Variants in DOCK1 observed in about 807,000 individuals in gnomAD.
DOCK1 encodes dedicator of cytokinesis 1.
In DOCK1, 138 loss-of-function variants were observed where a neutral mutation model predicts 262.7. The ratio of observed to expected loss-of-function variants is 0.53; its 90% CI spans 0.46 to 0.61. The LOEUF (loss-of-function observed/expected upper bound fraction) is 0.61, where lower values mean the gene tolerates loss of function less well. Among genes scored for constraint, DOCK1 ranks in the 20% least tolerant of loss-of-function variants. The probability of loss-of-function intolerance (pLI) is 0.00; values close to 1 mark genes in which losing one functional copy is unlikely to be tolerated. For synonymous variants in DOCK1, 866 were observed against 867.4 expected (o/e 1.00, Z 0.03); for missense variants, 1,908 against 2,370.7 (o/e 0.80, Z 4.05).
intron 15 of DOCK1, chr10:127,025,037 T>G: frequency 2.9e-6 from 1 of 341,926 alleles, no homozygotes; most frequent in African/African-American, 2.1e-5. Flanking sequence ...AGATAGCTAT[T>G]GTCTTTCTCT....
At chr10:127,123,789 C>A (rs1397990960) in intron 25 of DOCK1, among the ~76,000 whole-genome samples, 1 of 152,172 alleles carries the variant, frequency 6.6e-6, no homozygotes, top group Non-Finnish European at 1.5e-5. Context: ...ACTGTGCTCT[C>A]CCTCACTGAC....
chr10:127,169,274 A>G (rs2054350267), intron 27 of DOCK1, among the ~76,000 whole-genome samples: 1 of 152,194 alleles, frequency 6.6e-6, no homozygotes. Flanking sequence ...AACAGCCTGA[A>G]TGCCGATGAA....
chr10:127,331,191 T>TAC (rs2062963755), intron 29 of DOCK1, among the ~76,000 whole-genome samples: 1 of 152,198 alleles, frequency 6.6e-6, no homozygotes, highest in Non-Finnish European at 1.5e-5. Flanking sequence ...TTAAAGGCTA[T>TAC]TAAGGAAAGG....
intron 1 of DOCK1, 115 bp downstream of exon 1, chr10:126,905,678 C>T (rs1200321692): frequency 2.0e-5 from 3 of 149,976 alleles, no homozygotes; most frequent in Admixed American, 6.7e-5. Context: ...GGGAGAGGCG[C>T]TTCCGCCCGC....
At position 127,198,499 on chromosome 10, in the gene DOCK1, A is replaced by C. The variant is rs144420220; in HGVS notation, c.2848-49509A>C. The stretch of plus-strand genomic sequence containing the variant: ...ATGCATGCCCAGCAAGGCAGTGCTC[A>C]GCCACAGGTGGCACTGTGAACTGGC... On this transcript the variant is annotated intron_variant, in intron 27 of 51. Coordinates refer to ENST00000623213, the MANE Select transcript of DOCK1 (RefSeq NM_001290223.2). Among the ~76,000 whole-genome samples, 11 of 152,380 alleles carry C rather than the reference A, an allele frequency of 7.2e-5. No individual in the cohort carries two copies. In the East Asian group the frequency reaches 2.1e-3, roughly 29 times the overall value.
At chr10:127,391,240 T>G (rs943210) in intron 38 of DOCK1, among the ~76,000 whole-genome samples, 126,870 of 152,090 alleles carry the variant, frequency 0.83, 53,224 homozygotes, top group African/African-American at 0.93. Context: ...GTGACTCAAT[T>G]TCATTTCTGT....
At chr10:127,292,674 A>G (rs1285558037) in intron 29 of DOCK1, among the ~76,000 whole-genome samples, 1 of 152,148 alleles carries the variant, frequency 6.6e-6, no homozygotes, top group Non-Finnish European at 1.5e-5. Flanking sequence ...ATGCTTTTGC[A>G]TTCCTGCTGA....
At chr10:127,412,802 G>A (rs1052080839) in intron 43 of DOCK1, among the ~76,000 whole-genome samples, 1 of 152,204 alleles carries the variant, frequency 6.6e-6, no homozygotes, top group Admixed American at 6.5e-5. Context: ...CAGCCCCGAG[G>A]CCAGATTCCT....
chr10:126,910,953 TCACCTGTCGAAG>T (rs2031674269), intron 1 of DOCK1, among the ~76,000 whole-genome samples: 1 of 152,182 alleles, frequency 6.6e-6, no homozygotes, highest in Non-Finnish European at 1.5e-5. Flanking sequence ...GATTAACTGT[TCACCTGTCGAAG>T]GACATCTGAG....
chr10:126,947,439 T>TTGG (rs1279088053), intron 1 of DOCK1, among the ~76,000 whole-genome samples: 302 of 85,408 alleles, frequency 3.5e-3, no homozygotes, highest in African/African-American at 6.7e-3. Context: ...AGTATTACTG[T>TTGG]TGGTGGTGGT....
At chr10:127,225,103 A>G (rs917392975) in intron 27 of DOCK1, among the ~76,000 whole-genome samples, 28 of 152,222 alleles carry the variant, frequency 1.8e-4, no homozygotes, top group Non-Finnish European at 2.5e-4. Context: ...GGAAACCTGA[A>G]CTAGAGAGGT....
intron 27 of DOCK1, among the ~76,000 whole-genome samples, chr10:127,149,520 C>T (rs1214737035): frequency 1.3e-5 from 2 of 152,200 alleles, no homozygotes; most frequent in African/African-American, 2.4e-5. Context: ...AAGCCCCAGG[C>T]AGCCGGGTCT....
intron 1 of DOCK1, among the ~76,000 whole-genome samples, chr10:126,916,752 T>C (rs1247449862): frequency 1.3e-5 from 2 of 151,114 alleles, no homozygotes; most frequent in East Asian, 4.0e-4. Context: ...TCTTCCTTCC[T>C]TCCTGTTTGC....
intron 38 of DOCK1, among the ~76,000 whole-genome samples, chr10:127,399,499 G>A (rs114521449): frequency 0.027 from 4,086 of 151,028 alleles, 178 homozygotes; most frequent in African/African-American, 0.094. Flanking sequence ...AGGGAGGGAT[G>A]AGAGATATAT....
intron 44 of DOCK1, among the ~76,000 whole-genome samples, chr10:127,416,881 G>A (rs868002001): frequency 6.7e-6 from 1 of 150,356 alleles, no homozygotes; most frequent in Non-Finnish European, 1.5e-5. Context: ...CCAGGACACC[G>A]GACAAGGGGC....
intron 47 of DOCK1, among the ~76,000 whole-genome samples, chr10:127,430,760 T>G (rs1341324008): frequency 1.3e-5 from 2 of 152,172 alleles, no homozygotes; most frequent in Non-Finnish European, 2.9e-5. Context: ...TGTACAGCAC[T>G]GGTCCCTGTG....
intron 1 of DOCK1, among the ~76,000 whole-genome samples, chr10:126,920,073 C>T (rs1360130528): frequency 6.6e-6 from 1 of 152,118 alleles, no homozygotes; most frequent in East Asian, 1.9e-4. Flanking sequence ...GTGGGAAGCA[C>T]CCACTGGGGG....
intron 27 of DOCK1, among the ~76,000 whole-genome samples, chr10:127,228,722 A>G (rs2058730516): frequency 6.6e-6 from 1 of 152,208 alleles, no homozygotes; most frequent in African/African-American, 2.4e-5. Context: ...TTTTTGTTCC[A>G]TGTGGAAAAT....
chr10:127,020,634 A>C (rs1215686903), intron 13 of DOCK1, among the ~76,000 whole-genome samples: 1 of 152,072 alleles, frequency 6.6e-6, no homozygotes, highest in Non-Finnish European at 1.5e-5. Flanking sequence ...GAAATGATAC[A>C]GTTGACCATT....
Sources: gnomAD v4.1 joint callset for allele counts (sites outside exome capture counted in the v4.1 genomes callset) on GRCh38, gnomAD v4.1.1 for gene constraint, MANE v1.5 for transcripts, NCBI Gene and HGNC (gene_info 2026-07-23, HGNC 2026-07-21) for gene names.